VPS13D: variants seen among roughly 807,000 people sequenced by gnomAD.
The protein encoded by VPS13D is intermembrane lipid transfer protein VPS13D.
Under a neutral mutation model 461.9 loss-of-function variants are expected in VPS13D, and 187 were observed. The ratio of observed to expected loss-of-function variants is 0.40; its 90% confidence interval spans 0.36 to 0.46. The LOEUF (loss-of-function observed/expected upper bound fraction) is 0.46, where lower values mean the gene tolerates loss of function less well. Among genes scored for constraint, VPS13D ranks in the 20% least tolerant of loss-of-function variants. VPS13D has a pLI of 0.60. For synonymous variants in VPS13D, 1,951 were observed against 1,986.3 expected, an observed-to-expected ratio of 0.98 and a Z score of 0.47; for missense variants, 4,711 against 5,364.9, an observed-to-expected ratio of 0.88 and a Z score of 3.81.
rs7519341 is a variant in VPS13D, at chr1:12,322,574, T to C, written c.7743T>C (p.Asn2581=). 1.6e-3 allele frequency: 2,574 copies of C among 1,614,246 alleles called. 47 individuals are homozygous for C. The African/African-American group carries it at 0.031, about 19-fold the overall frequency. Residue 2581 remains asparagine (N), a synonymous_variant, in exon 34 of 70, where the codon AAT becomes AAC. Coordinates refer to ENST00000620676, the MANE Select transcript of VPS13D (RefSeq NM_015378.4). The part of the protein sequence containing the change: ...LQALDIRLSY[N]DVQLFLAIAK... ...CCCTGGATATCAGACTCTCCTATAA[T>C]GATGTTCAGCTGTTTCTTGCCATTG...
chr1:12,487,262 T>C (rs903833513), intron 67 of VPS13D, among the ~76,000 whole-genome samples: 2 of 152,138 alleles, frequency 1.3e-5, no homozygotes, highest in Non-Finnish European at 2.9e-5. Flanking sequence ...CTCTGTTTGA[T>C]AGTAGAAGGA....
At chr1:12,382,362 G>A (rs570241035) in intron 57 of VPS13D, among the ~76,000 whole-genome samples, 2 of 152,056 alleles carry the variant, frequency 1.3e-5, no homozygotes, top group South Asian at 2.1e-4. Context: ...TTGGCCTCCC[G>A]AAGTGCTGGG....
chr1:12,305,567 G>C (rs1367863296), intron 26 of VPS13D, among the ~76,000 whole-genome samples: 1 of 152,206 alleles, frequency 6.6e-6, no homozygotes, highest in Non-Finnish European at 1.5e-5. Context: ...TGGGGTTACA[G>C]GCATGAGCCC....
intron 67 of VPS13D, among the ~76,000 whole-genome samples, chr1:12,490,446 A>G (rs993405588): frequency 2.0e-5 from 3 of 152,240 alleles, no homozygotes; most frequent in African/African-American, 7.2e-5. Flanking sequence ...ATCCTCTAAT[A>G]GAGTCTTCTC....
At chr1:12,435,001 GA>G (rs754346253) in intron 65 of VPS13D, among the ~76,000 whole-genome samples, 141 of 152,304 alleles carry the variant, frequency 9.3e-4, no homozygotes, top group Non-Finnish European at 1.4e-3. Flanking sequence ...TGCAGTTTAT[GA>G]AATAAATAGT....
chr1:12,415,491 T>C (rs1044671684), intron 64 of VPS13D, among the ~76,000 whole-genome samples: 7 of 152,158 alleles, frequency 4.6e-5, no homozygotes, highest in Non-Finnish European at 1.5e-5. Context: ...AATGGTTTAG[T>C]TGATGCTTTA....
intron 65 of VPS13D, among the ~76,000 whole-genome samples, chr1:12,433,707 C>T (rs565796405): frequency 2.0e-5 from 3 of 152,198 alleles, no homozygotes; most frequent in South Asian, 2.1e-4. Flanking sequence ...GGCAGCTTCC[C>T]GGGAGGGCTG....
chr1:12,486,959 C>A (rs896530632), intron 67 of VPS13D, among the ~76,000 whole-genome samples: 1 of 152,128 alleles, frequency 6.6e-6, no homozygotes, highest in African/African-American at 2.4e-5. Flanking sequence ...TCAACACCTA[C>A]GTTTCCAGGC....
chr1:12,288,174 C>A (rs375699688), intron 21 of VPS13D, 49 bp from the exon 22 acceptor site: 5 of 1,494,808 alleles, frequency 3.3e-6, no homozygotes, highest in Admixed American at 1.7e-5. Context: ...CTGAAAGATA[C>A]CTTTTCTCCC....
chr1:12,296,087 C>A (rs1642267512), intron 24 of VPS13D, among the ~76,000 whole-genome samples: 1 of 151,950 alleles, frequency 6.6e-6, no homozygotes, highest in African/African-American at 2.4e-5. Context: ...ATCCATTTTC[C>A]TTTGGAACAC....
At chr1:12,465,338 G>A (rs1317818338) in intron 67 of VPS13D, 1 of 152,162 alleles carries the variant, frequency 6.6e-6, no homozygotes, top group Non-Finnish European at 1.5e-5. Flanking sequence ...CCAAAAGTGG[G>A]GAGAGAAGTA....
chr1:12,394,518 G>A (rs1260483284), intron 60 of VPS13D, among the ~76,000 whole-genome samples: 1 of 152,158 alleles, frequency 6.6e-6, no homozygotes, highest in Non-Finnish European at 1.5e-5. Flanking sequence ...AAATTTTGTA[G>A]CTAATGATTG....
Position 12,503,325 on chromosome 1 carries a change from G to T in VPS13D, c.12795-3528G>T, listed in dbSNP as rs72869528. On this transcript the variant is annotated intron_variant, in intron 68 of 69. Coordinates refer to ENST00000620676, the MANE Select transcript of VPS13D (RefSeq NM_015378.4). ...ATCCTCTTTCTCTCCTTAAAGGGGA[G>T]TTAAAACTTTTTTCTTTCTTCTTCT... is the stretch of plus-strand genomic sequence containing the variant. Among the ~76,000 whole-genome samples, 268 of 152,010 alleles carry T rather than the reference G, an allele frequency of 1.8e-3. 1 individual carries two copies. Among genetic ancestry groups the T allele is most frequent in the African/African-American group, 5.9e-3 (245 of 41,484 alleles).
intron 67 of VPS13D, among the ~76,000 whole-genome samples, chr1:12,466,569 A>G (rs1024089374): frequency 1.3e-5 from 2 of 152,204 alleles, no homozygotes; most frequent in Non-Finnish European, 2.9e-5. Context: ...GAAAGATCTG[A>G]TATGTTATCC....
At chr1:12,231,720 G>A (rs143605207) in intron 1 of VPS13D, among the ~76,000 whole-genome samples, 1,808 of 152,328 alleles carry the variant, frequency 0.012, 20 homozygotes, top group Middle Eastern at 0.065. Context: ...CGGGCACGGT[G>A]GCTCACGCCT....
intron 66 of VPS13D, among the ~76,000 whole-genome samples, chr1:12,459,085 G>A (rs1353004776): frequency 6.6e-6 from 1 of 152,212 alleles, no homozygotes; most frequent in Non-Finnish European, 1.5e-5. Flanking sequence ...CACCCCCATA[G>A]TGTTCTTTGA....
chr1:12,511,664 C>T lies in VPS13D; in HGVS notation c.*2640C>T. The T allele has an allele frequency of 6.6e-6, 1 of 152,408 alleles. No individual in the cohort carries two copies. Among genetic ancestry groups the T allele is most frequent in the Non-Finnish European group, 1.5e-5 (1 of 68,112 alleles). The allele number at this position is 152,408 out of a possible 1,614,324, so 9.4% of individuals were successfully genotyped here. The stretch of plus-strand genomic sequence containing the variant: ...CAGTCCCTTGACCCAGCACAGTTGG[C>T]CGACCCGTGTCACTCCCTGGCTGTC... On this transcript the variant is annotated 3_prime_UTR_variant, in exon 70 of 70. Transcript: ENST00000620676. This position sits in a 1 kb window ranked among gnomAD's most constrained non-coding sequence, Gnocchi z 4.5.
At chr1:12,356,257 CTT>C in intron 48 of VPS13D, 139 bp from the exon 49 acceptor site, 1 of 1,392,786 alleles carries the variant, frequency 7.2e-7, no homozygotes, top group Non-Finnish European at 9.6e-7. Flanking sequence ...TCAAAACTGT[CTT>C]TTTAGGCAAG....
chr1:12,239,720 G>C (rs912720964), intron 2 of VPS13D, among the ~76,000 whole-genome samples: 1 of 152,186 alleles, frequency 6.6e-6, no homozygotes, highest in African/African-American at 2.4e-5. Context: ...AGCGGGAAGA[G>C]AGTTCAGTAG....
Sources: allele counts gnomAD v4.1 joint callset (sites outside exome capture counted in the v4.1 genomes callset), GRCh38; gene constraint gnomAD v4.1.1; non-coding constraint Gnocchi (gnomAD v3.1); transcripts MANE v1.5; gene names NCBI Gene and HGNC (gene_info 2026-07-23, HGNC 2026-07-21).